ASPH: variants seen among roughly 807,000 people sequenced by gnomAD.
The protein encoded by ASPH is aspartate beta-hydroxylase.
Under a neutral mutation model 118.4 loss-of-function variants are expected in ASPH, and 100 were observed. The ratio of observed to expected loss-of-function variants is 0.84; its 90% CI spans 0.72 to 1.00. The LOEUF is 1.00. Ranked by LOEUF, ASPH falls within the 50% of genes least tolerant of loss-of-function variation. The pLI is 0.00. For missense variants in ASPH, 920 were observed against 919.5 expected, an observed-to-expected ratio of 1.00 and a Z score of -0.01; for synonymous variants, 315 against 325.6, an observed-to-expected ratio of 0.97 and a Z score of 0.35.
At chr8:61,703,431 A>G (rs770615348) in intron 1 of ASPH, among the ~76,000 whole-genome samples, 18 of 152,244 alleles carry the variant, frequency 1.2e-4, no homozygotes, top group Non-Finnish European at 2.2e-4. Context: ...TAGCAAAGCT[A>G]CATGATATAA....
intron 24 of ASPH, among the ~76,000 whole-genome samples, chr8:61,509,803 G>C (rs549176153): frequency 3.1e-4 from 47 of 152,182 alleles, no homozygotes; most frequent in African/African-American, 1.1e-3. Flanking sequence ...TGTGAGTAGG[G>C]GGGGAGGGTC....
intron 18 of ASPH, among the ~76,000 whole-genome samples, chr8:61,557,333 G>A (rs1240088852): frequency 6.6e-6 from 1 of 151,932 alleles, no homozygotes; most frequent in Non-Finnish European, 1.5e-5. Flanking sequence ...TCCTGCCCCT[G>A]CCCCTCCCAG....
At chr8:61,554,103 A>C (rs1269445479) in intron 19 of ASPH, among the ~76,000 whole-genome samples, 1 of 152,210 alleles carries the variant, frequency 6.6e-6, no homozygotes, top group African/African-American at 2.4e-5. Context: ...GAGTACCAGT[A>C]AGCCATCCTA....
At chr8:61,554,587 G>A (rs1563799121) in intron 19 of ASPH, among the ~76,000 whole-genome samples, 1 of 152,186 alleles carries the variant, frequency 6.6e-6, no homozygotes, top group Non-Finnish European at 1.5e-5. Context: ...CTCAGTCCCA[G>A]TGGCCACATT....
intron 14 of ASPH, among the ~76,000 whole-genome samples, chr8:61,617,932 CAAA>C (rs10674052): frequency 5.7e-5 from 5 of 87,904 alleles, no homozygotes; most frequent in Non-Finnish European, 6.5e-5. Context: ...GACGCCATCT[CAAA>C]AAAAAAAAAA....
At chr8:61,656,152 T>G (rs1038366748) in intron 3 of ASPH, 11 of 152,150 alleles carry the variant, frequency 7.2e-5, no homozygotes, top group Admixed American at 5.9e-4. Context: ...ATGGATTTAT[T>G]ATGAGGTACA....
intron 14 of ASPH, among the ~76,000 whole-genome samples, chr8:61,615,716 T>C (rs1848787838): frequency 6.6e-6 from 1 of 152,220 alleles, no homozygotes; most frequent in Non-Finnish European, 1.5e-5. Context: ...GAAACTGATA[T>C]CGCAATTTTA....
At chr8:61,512,906 T>TTC (rs1809459738) in intron 24 of ASPH, among the ~76,000 whole-genome samples, 2 of 152,238 alleles carry the variant, frequency 1.3e-5, no homozygotes, top group African/African-American at 4.8e-5. Context: ...TTTATTGAGC[T>TTC]TCTCTGTGTT....
chr8:61,545,117 G>A (rs1209463373), intron 21 of ASPH, among the ~76,000 whole-genome samples: 1 of 152,196 alleles, frequency 6.6e-6, no homozygotes, highest in Non-Finnish European at 1.5e-5. Context: ...TGGTCTGAAC[G>A]TTTGTGTCCC....
intron 3 of ASPH, among the ~76,000 whole-genome samples, chr8:61,678,370 A>ATACC (rs1347137285): frequency 6.6e-6 from 1 of 152,160 alleles, no homozygotes. Context: ...ACAACAAAAG[A>ATACC]TACCTATATT....
intron 1 of ASPH, among the ~76,000 whole-genome samples, chr8:61,709,370 C>A (rs1176730061): frequency 6.6e-6 from 1 of 152,204 alleles, no homozygotes; most frequent in Non-Finnish European, 1.5e-5. Context: ...GGCCTCCAGA[C>A]TATACTCCCA....
At position 61,517,866 on chromosome 8, in the gene ASPH, C is replaced by T. The variant is rs542336999; in HGVS notation, c.1992+166G>A. 9.9e-5 allele frequency among the ~76,000 whole-genome samples: 15 copies of T among 152,248 alleles called. No homozygotes were observed. The East Asian group carries it at 2.7e-3, about 27-fold the overall frequency. On this transcript the variant is annotated intron_variant, in intron 23 of 24. Transcript: ENST00000379454. ...AAAGCTATAAACACTGAACATTTTC[C>T]ACCCTCAATTCTGACGTCAACCACA...
At chr8:61,694,046 C>T (rs1047293134) in intron 1 of ASPH, among the ~76,000 whole-genome samples, 3 of 152,134 alleles carry the variant, frequency 2.0e-5, no homozygotes, top group Non-Finnish European at 2.9e-5. Flanking sequence ...TCTACAAACT[C>T]ACCTTGCCAT....
intron 14 of ASPH, among the ~76,000 whole-genome samples, chr8:61,604,681 CAT>C (rs1418664362): frequency 1.3e-5 from 2 of 152,188 alleles, no homozygotes; most frequent in African/African-American, 4.8e-5. Flanking sequence ...CAGCACACCA[CAT>C]GTTTTGGTTG....
At chr8:61,594,325 C>A (rs1841974553) in intron 14 of ASPH, among the ~76,000 whole-genome samples, 1 of 152,192 alleles carries the variant, frequency 6.6e-6, no homozygotes, top group Non-Finnish European at 1.5e-5. Context: ...TTAAAGTTAT[C>A]TAACATCATC....
chr8:61,617,466 C>T (rs1319031889), intron 14 of ASPH, among the ~76,000 whole-genome samples: 1 of 152,066 alleles, frequency 6.6e-6, no homozygotes, highest in Non-Finnish European at 1.5e-5. Context: ...TAGTTATGTC[C>T]TAAATATATC....
At chr8:61,714,144 G>C in intron 1 of ASPH, 125 bp downstream of exon 1, 1 of 1,257,114 alleles carries the variant, frequency 8.0e-7, no homozygotes, top group Non-Finnish European at 1.0e-6. Context: ...TAAAGGAGGA[G>C]CGTCGCGGGG....
chr8:61,508,664 A>AACAGGTTCAGATGTCT (rs1807597247), intron 24 of ASPH, among the ~76,000 whole-genome samples: 1 of 152,208 alleles, frequency 6.6e-6, no homozygotes, highest in South Asian at 2.1e-4. Context: ...ATCACATGGA[A>AACAGGTTCAGATGTCT]ACAGGTTCAG....
intron 14 of ASPH, among the ~76,000 whole-genome samples, chr8:61,602,612 A>G (rs1844352384): frequency 6.6e-6 from 1 of 151,340 alleles, no homozygotes; most frequent in Non-Finnish European, 1.5e-5. Flanking sequence ...AATCTGGGAA[A>G]TGTAAACTAA....
Sources: gnomAD v4.1 joint callset for allele counts (sites outside exome capture counted in the v4.1 genomes callset) on GRCh38, gnomAD v4.1.1 for gene constraint, MANE v1.5 for transcripts, NCBI Gene and HGNC (gene_info 2026-07-23, HGNC 2026-07-21) for gene names.